Variants in GMDS observed in about 807,000 individuals in gnomAD.
The protein encoded by GMDS is GDP-mannose 4,6 dehydratase.
A neutral mutation model predicts 49.9 loss-of-function variants in GMDS; 20 were observed. That is an observed-to-expected ratio of 0.40 (90% CI 0.28 to 0.58). GMDS has a LOEUF of 0.58. Among genes scored for constraint, GMDS ranks in the 20% least tolerant of loss-of-function variants. The probability of loss-of-function intolerance (pLI) is 0.42; values close to 1 mark genes in which losing one functional copy is unlikely to be tolerated. For synonymous variants in GMDS, 177 were observed against 178.6 expected (o/e 0.99, Z 0.07); for missense variants, 362 against 481.4 (o/e 0.75, Z 2.32).
chr6:1,720,753 A>G (rs1486609977), intron 9 of GMDS, among the ~76,000 whole-genome samples: 1 of 152,150 alleles, frequency 6.6e-6, no homozygotes, highest in African/African-American at 2.4e-5. Flanking sequence ...CTGGTCAGAG[A>G]AAGGAACAAA....
At chr6:1,896,976 C>T (rs986183603) in intron 7 of GMDS, among the ~76,000 whole-genome samples, 1 of 152,170 alleles carries the variant, frequency 6.6e-6, no homozygotes, top group Non-Finnish European at 1.5e-5. Flanking sequence ...AGGCTGATTT[C>T]CCAGTTTTGG....
At chr6:1,811,736 C>G (rs1770439408) in intron 7 of GMDS, among the ~76,000 whole-genome samples, 1 of 152,110 alleles carries the variant, frequency 6.6e-6, no homozygotes, top group Admixed American at 6.6e-5. Context: ...AGTAGGCACT[C>G]CACGTTTAAT....
At chr6:1,956,006 G>T (rs1287790266) in intron 6 of GMDS, among the ~76,000 whole-genome samples, 2 of 152,164 alleles carry the variant, frequency 1.3e-5, no homozygotes, top group Admixed American at 1.3e-4. Flanking sequence ...TTGGTTACCT[G>T]CATACAGCAG....
At chr6:1,941,281 C>G (rs763510034) in intron 6 of GMDS, among the ~76,000 whole-genome samples, 2 of 152,018 alleles carry the variant, frequency 1.3e-5, no homozygotes, top group Non-Finnish European at 2.9e-5. Context: ...GATGATATTT[C>G]AAGTCCTGAG....
intron 4 of GMDS, among the ~76,000 whole-genome samples, chr6:1,977,273 A>G (rs1327158522): frequency 6.6e-6 from 1 of 152,258 alleles, no homozygotes. Flanking sequence ...ACAATTAACT[A>G]AAAATCCATA....
intron 7 of GMDS, among the ~76,000 whole-genome samples, chr6:1,801,714 A>G (rs1769957340): frequency 6.6e-6 from 1 of 152,216 alleles, no homozygotes; most frequent in East Asian, 1.9e-4. Context: ...CAAGCCCCAC[A>G]TTTTTCCAAG....
At chr6:2,202,853 G>A (rs758446740) in intron 1 of GMDS, among the ~76,000 whole-genome samples, 2 of 152,146 alleles carry the variant, frequency 1.3e-5, no homozygotes, top group Non-Finnish European at 2.9e-5. Context: ...AACAAAGAAG[G>A]TTCCAGATTG....
intron 7 of GMDS, among the ~76,000 whole-genome samples, chr6:1,814,115 C>T (rs226467): frequency 0.32 from 48,068 of 151,978 alleles, 7,638 homozygotes; most frequent in Middle Eastern, 0.36. Context: ...TAAGATTGAC[C>T]ACATAATTTT....
intron 7 of GMDS, among the ~76,000 whole-genome samples, chr6:1,793,835 T>TA (rs994661221): frequency 6.6e-6 from 1 of 152,102 alleles, no homozygotes; most frequent in African/African-American, 2.4e-5. Flanking sequence ...TCTAAGATTT[T>TA]AAAAAAACAG....
chr6:2,065,475 T>C (rs1161569800), intron 4 of GMDS, among the ~76,000 whole-genome samples: 2 of 152,014 alleles, frequency 1.3e-5, no homozygotes, highest in East Asian at 1.9e-4. Flanking sequence ...TTACTCCGAG[T>C]TACAAGAGGA....
intron 7 of GMDS, among the ~76,000 whole-genome samples, chr6:1,923,794 C>T (rs1240622771): frequency 1.3e-5 from 2 of 152,212 alleles, no homozygotes; most frequent in Non-Finnish European, 1.5e-5. Context: ...GTTTAAATGA[C>T]GTCTCTTCCT....
chr6:2,094,700 A>C (rs1203661432), intron 4 of GMDS, among the ~76,000 whole-genome samples: 2 of 152,184 alleles, frequency 1.3e-5, no homozygotes, highest in African/African-American at 2.4e-5. Context: ...GACTGGAAAG[A>C]AGCAGATTTG....
In GMDS at chr6:1,706,301, C is replaced by T. The variant is rs147454029; in HGVS notation, c.987+20115G>A. ...TGAGGCAGGAATACAAGAAGTAAGCCACAAAGGCAGGCACTCCAGAGGCAG... is the reference window on the plus strand; with the variant it reads ...TGAGGCAGGAATACAAGAAGTAAGCTACAAAGGCAGGCACTCCAGAGGCAG... On this transcript the variant is annotated intron_variant, in intron 9 of 10. Coordinates refer to ENST00000380815, the MANE Select transcript of GMDS (RefSeq NM_001500.4). Among the ~76,000 whole-genome samples, 340 of 152,234 alleles carry T rather than the reference C, an allele frequency of 2.2e-3. 1 individual carries two copies. The highest frequency in any genetic ancestry group is 7.8e-3 in the African/African-American group (326 of 41,534).
intron 6 of GMDS, among the ~76,000 whole-genome samples, chr6:1,947,513 A>G (rs1311786999): frequency 6.6e-6 from 1 of 152,186 alleles, no homozygotes; most frequent in Non-Finnish European, 1.5e-5. Flanking sequence ...TCTTGCTGCC[A>G]GGAGGGTTTC....
chr6:2,056,731 A>G lies in GMDS; in HGVS notation c.345+59040T>C, dbSNP rs574869129. Among the ~76,000 whole-genome samples, 11 of 152,322 alleles carry G rather than the reference A, an allele frequency of 7.2e-5. No homozygotes were observed. The South Asian group carries it at 2.3e-3, about 32-fold the overall frequency. ...TCACTCTGCCACATGGCTGGACTTG[A>G]GGACCAATCAATCTTAACCAACCAA... On this transcript the variant is annotated intron_variant, in intron 4 of 10. Coordinates refer to ENST00000380815, the MANE Select transcript of GMDS (RefSeq NM_001500.4).
Position 1,624,009 on chromosome 6 carries a change from G to A in GMDS, c.*160C>T, listed in dbSNP as rs1282137888. 4.9e-6 allele frequency: 3 copies of A among 612,330 alleles called. No individual in the cohort carries two copies. Among genetic ancestry groups the A allele is most frequent in the South Asian group, 4.1e-5 (2 of 49,302 alleles). The allele number at this position is 612,330 out of a possible 1,614,324, so 37.9% of individuals were successfully genotyped here. A position where few individuals can be genotyped will look rare whatever the true frequency, so the allele number is the denominator to read the frequency against. On this transcript the variant is annotated 3_prime_UTR_variant, in exon 11 of 11. Transcript: ENST00000380815. ...TCACATCCCGGCTGCTACAAACCTC[G>A]GCGGGGCGGCCCCGCTCTTGCGGCC...
chr6:1,963,294 C>T (rs1764072654), intron 4 of GMDS, among the ~76,000 whole-genome samples: 1 of 152,128 alleles, frequency 6.6e-6, no homozygotes, highest in South Asian at 2.1e-4. Flanking sequence ...AAGTGATTCT[C>T]CTACCTCAGC....
chr6:1,816,807 T>C (rs1305362219), intron 7 of GMDS, among the ~76,000 whole-genome samples: 5 of 151,896 alleles, frequency 3.3e-5, no homozygotes, highest in South Asian at 2.1e-4. Flanking sequence ...TCTTCTTTTT[T>C]TAAAGTGGTG....
At chr6:1,963,691 G>C (rs936075780) in intron 4 of GMDS, among the ~76,000 whole-genome samples, 1 of 152,032 alleles carries the variant, frequency 6.6e-6, no homozygotes, top group Non-Finnish European at 1.5e-5. Context: ...ATCAGGAAAA[G>C]CCATGGCCTT....
Sources: gnomAD v4.1 joint callset for allele counts (sites outside exome capture counted in the v4.1 genomes callset) on GRCh38, gnomAD v4.1.1 for gene constraint, MANE v1.5 for transcripts, NCBI Gene and HGNC (gene_info 2026-07-23, HGNC 2026-07-21) for gene names.